PDE4D: variants seen among roughly 807,000 people sequenced by gnomAD.
PDE4D encodes 3',5'-cyclic-AMP phosphodiesterase 4D.
In PDE4D, 24 loss-of-function variants were observed where a neutral mutation model predicts 87.4. The ratio of observed to expected loss-of-function variants is 0.27; its 90% CI spans 0.20 to 0.39. The LOEUF (loss-of-function observed/expected upper bound fraction) is 0.39, where lower values mean the gene tolerates loss of function less well. Ranked by LOEUF, PDE4D falls within the 10% of genes least tolerant of loss-of-function variation. PDE4D has a pLI of 1.00. For synonymous variants in PDE4D, 384 were observed against 383.2 expected (o/e 1.00, Z -0.02); for missense variants, 714 against 1,041.0 (o/e 0.69, Z 4.32).
At chr5:59,358,028 C>T (rs1235776908) in intron 1 of PDE4D, among the ~76,000 whole-genome samples, 2 of 152,190 alleles carry the variant, frequency 1.3e-5, no homozygotes, top group East Asian at 3.9e-4. Context: ...ACCATATCTG[C>T]AAATTTTGAG....
At chr5:59,290,094 C>T (rs1474943200) in intron 1 of PDE4D, among the ~76,000 whole-genome samples, 1 of 151,782 alleles carries the variant, frequency 6.6e-6, no homozygotes, top group African/African-American at 2.4e-5. Flanking sequence ...TTCATACTAC[C>T]CAAAGCAATC....
At chr5:59,417,168 C>A (rs1369721117) in intron 1 of PDE4D, among the ~76,000 whole-genome samples, 3 of 152,004 alleles carry the variant, frequency 2.0e-5, no homozygotes, top group African/African-American at 7.2e-5. Context: ...CAAAAATTAT[C>A]TATAACTTTT....
intron 1 of PDE4D, among the ~76,000 whole-genome samples, chr5:60,325,597 A>G (rs1756711669): frequency 6.6e-6 from 1 of 152,186 alleles, no homozygotes. Flanking sequence ...ACTCTCTTGT[A>G]CTTTATTTTT....
intron 5 of PDE4D, among the ~76,000 whole-genome samples, chr5:59,088,262 C>T (rs973796925): frequency 3.9e-5 from 6 of 152,128 alleles, no homozygotes; most frequent in African/African-American, 1.2e-4. Flanking sequence ...CTCTCTTTCT[C>T]TTTCTCTCCT....
chr5:59,963,267 G>A (rs1190015673), intron 3 of PDE4D, among the ~76,000 whole-genome samples: 3 of 152,126 alleles, frequency 2.0e-5, no homozygotes, highest in African/African-American at 7.2e-5. Flanking sequence ...TCAGAGGGGT[G>A]GAAGTCAGAT....
chr5:59,931,606 A>G (rs1244460863), intron 3 of PDE4D, among the ~76,000 whole-genome samples: 1 of 151,956 alleles, frequency 6.6e-6, no homozygotes, highest in Non-Finnish European at 1.5e-5. Flanking sequence ...TCCAGAAATC[A>G]ATTAATCTAT....
At chr5:59,199,065 T>TA (rs1001150202) in intron 2 of PDE4D, among the ~76,000 whole-genome samples, 1 of 152,168 alleles carries the variant, frequency 6.6e-6, no homozygotes, top group Non-Finnish European at 1.5e-5. Flanking sequence ...GAAAAGGAGA[T>TA]ACAGTTAATT....
chr5:59,636,061 A>G (rs1355799554), intron 1 of PDE4D, among the ~76,000 whole-genome samples: 4 of 145,840 alleles, frequency 2.7e-5, no homozygotes, highest in Non-Finnish European at 6.0e-5. Context: ...CTCAATGTAC[A>G]AAAATCACAA....
chr5:59,069,982 T>C (rs1244703320), intron 5 of PDE4D, among the ~76,000 whole-genome samples: 1 of 152,122 alleles, frequency 6.6e-6, no homozygotes, highest in Non-Finnish European at 1.5e-5. Flanking sequence ...TTCTAGAAGG[T>C]AGATCACTGT....
intron 1 of PDE4D, among the ~76,000 whole-genome samples, chr5:60,252,674 A>C (rs1027631180): frequency 6.6e-6 from 1 of 151,876 alleles, no homozygotes; most frequent in Non-Finnish European, 1.5e-5. Flanking sequence ...AAGTTTTAAG[A>C]CTTTTACTCC....
At chr5:58,999,283 C>A (rs1580192669) in intron 6 of PDE4D, among the ~76,000 whole-genome samples, 1 of 149,438 alleles carries the variant, frequency 6.7e-6, no homozygotes, top group South Asian at 2.1e-4. Context: ...TACTGCGTAT[C>A]TAAAAAAGCT....
chr5:60,355,819 G>T (rs995408854), intron 1 of PDE4D, among the ~76,000 whole-genome samples: 1 of 151,962 alleles, frequency 6.6e-6, no homozygotes, highest in East Asian at 1.9e-4. Flanking sequence ...CATTCAAAAG[G>T]TCTTCATCCT....
At chr5:60,435,738 C>T (rs952241492) in intron 1 of PDE4D, among the ~76,000 whole-genome samples, 3 of 151,920 alleles carry the variant, frequency 2.0e-5, no homozygotes, top group East Asian at 3.9e-4. Flanking sequence ...GAGTATGTAG[C>T]TTTCAAGATT....
At chr5:59,518,184 C>T (rs1484220304) in intron 1 of PDE4D, among the ~76,000 whole-genome samples, 3 of 122,104 alleles carry the variant, frequency 2.5e-5, no homozygotes, top group African/African-American at 1.0e-4. Context: ...TATGTATGTA[C>T]TTGTGTGTTT....
intron 2 of PDE4D, among the ~76,000 whole-genome samples, chr5:59,194,755 T>A (rs961461274): frequency 6.6e-6 from 1 of 152,214 alleles, no homozygotes; most frequent in Non-Finnish European, 1.5e-5. Flanking sequence ...TTGGGTTTTA[T>A]GATCATTTTA....
chr5:59,491,996 GTCTC>G (rs1357874407), intron 1 of PDE4D, among the ~76,000 whole-genome samples: 13 of 152,170 alleles, frequency 8.5e-5, no homozygotes, highest in Middle Eastern at 3.2e-3. Flanking sequence ...TCTCAGCTAA[GTCTC>G]TCTCCTGGAA....
chr5:60,383,460 AAC>A (rs377538256), intron 1 of PDE4D, among the ~76,000 whole-genome samples: 5 of 152,206 alleles, frequency 3.3e-5, no homozygotes, highest in African/African-American at 1.2e-4. Context: ...CTTAGGGGAA[AAC>A]ACACTACAGC....
intron 5 of PDE4D, among the ~76,000 whole-genome samples, chr5:59,051,303 G>T (rs752844590): frequency 3.3e-5 from 5 of 152,210 alleles, no homozygotes; most frequent in African/African-American, 4.8e-5. Flanking sequence ...AACCCTGGAG[G>T]TGGAGGAGAT....
intron 5 of PDE4D, among the ~76,000 whole-genome samples, chr5:59,139,127 A>G (rs1186850616): frequency 2.0e-5 from 3 of 152,186 alleles, no homozygotes; most frequent in Non-Finnish European, 4.4e-5. Flanking sequence ...GTGCTTTGGA[A>G]GGAAGGGGAT....
Sources: gnomAD v4.1 joint callset for allele counts (sites outside exome capture counted in the v4.1 genomes callset) on GRCh38, gnomAD v4.1.1 for gene constraint, MANE v1.5 for transcripts, NCBI Gene and HGNC (gene_info 2026-07-23, HGNC 2026-07-21) for gene names.